Variants in GDA observed in about 807,000 individuals in gnomAD.
The protein encoded by GDA is cytoplasmic PSD-95 interactor.
A neutral mutation model predicts 59.6 loss-of-function variants in GDA; 18 were observed. The observed-to-expected ratio is 0.30, with a 90% CI of 0.21 to 0.45. The LOEUF is 0.45. Ranked by LOEUF, GDA falls within the 20% of genes least tolerant of loss-of-function variation. The probability of loss-of-function intolerance (pLI) is 1.00; values close to 1 mark genes in which losing one functional copy is unlikely to be tolerated. For synonymous variants in GDA, 201 were observed against 201.1 expected (o/e 1.00, Z 0.00); for missense variants, 427 against 552.3 (o/e 0.77, Z 2.27).
At chr9:72,202,436 C>T (rs886635671) in intron 2 of GDA, 135 bp from the exon 3 acceptor site, 2 of 594,816 alleles carry the variant, frequency 3.4e-6, no homozygotes, top group African/African-American at 1.9e-5. Context: ...GGAGAATTTA[C>T]AGTTGTCTGA....
At chr9:72,246,105 T>C (rs1405251789) in intron 12 of GDA, among the ~76,000 whole-genome samples, 3 of 152,218 alleles carry the variant, frequency 2.0e-5, no homozygotes, top group Non-Finnish European at 4.4e-5. Flanking sequence ...GAGGTCACTA[T>C]AACAAGAGAC....
At chr9:72,215,040 T>A (rs551890984) in intron 5 of GDA, among the ~76,000 whole-genome samples, 43 of 152,302 alleles carry the variant, frequency 2.8e-4, no homozygotes, top group Non-Finnish European at 5.0e-4. Context: ...GGCTCAAAGT[T>A]CTTTCTCTCA....
At chr9:72,124,337 C>T (rs1825774924) in intron 1 of GDA, among the ~76,000 whole-genome samples, 1 of 152,120 alleles carries the variant, frequency 6.6e-6, no homozygotes, top group South Asian at 2.1e-4. Context: ...TTGCAAACGC[C>T]TCAGTATTTT....
intron 11 of GDA, 48 bp from the exon 12 acceptor site, chr9:72,245,100 G>A (rs773815396): frequency 6.3e-7 from 1 of 1,597,610 alleles, no homozygotes; most frequent in Admixed American, 1.7e-5. Flanking sequence ...ACATTAGTGT[G>A]GTCTGATGGC....
intron 1 of GDA, among the ~76,000 whole-genome samples, chr9:72,173,387 A>G (rs1181446683): frequency 2.7e-5 from 4 of 148,570 alleles, no homozygotes; most frequent in Non-Finnish European, 4.4e-5. Context: ...CTGGGGTGCA[A>G]TGGTGCGATC....
In GDA at chr9:72,251,563, T is replaced by C. The variant is rs1166780591; in HGVS notation, c.*3221T>C. 6 of 152,144 alleles carry C rather than the reference T, an allele frequency of 3.9e-5. No individual in the cohort carries two copies. In the East Asian group the frequency reaches 1.2e-3, roughly 29 times the overall value. 9.4% of individuals were successfully genotyped at this position (152,144 alleles called of 1,614,324 possible). On this transcript the variant is annotated 3_prime_UTR_variant, in exon 14 of 14. Coordinates refer to ENST00000358399, the MANE Select transcript of GDA (RefSeq NM_004293.5). ...TAAAAGCAATGGTGTGAGTTATTAATGGGTAAACTAAGAAGTGTTATAGGC... is the reference window on the plus strand; with the variant it reads ...TAAAAGCAATGGTGTGAGTTATTAACGGGTAAACTAAGAAGTGTTATAGGC...
intron 8 of GDA, among the ~76,000 whole-genome samples, chr9:72,226,108 T>G (rs942431797): frequency 1.3e-5 from 2 of 152,140 alleles, no homozygotes; most frequent in Admixed American, 1.3e-4. Flanking sequence ...GAATGTCATT[T>G]GGTCCAAGGA....
intron 1 of GDA, among the ~76,000 whole-genome samples, chr9:72,128,583 A>G (rs1825925451): frequency 6.6e-6 from 1 of 152,244 alleles, no homozygotes; most frequent in Non-Finnish European, 1.5e-5. Context: ...TATATATAAT[A>G]TCATGTAATA....
intron 1 of GDA, among the ~76,000 whole-genome samples, chr9:72,160,387 C>T (rs1163716337): frequency 6.6e-6 from 1 of 152,178 alleles, no homozygotes; most frequent in African/African-American, 2.4e-5. Flanking sequence ...AGCAGTCACT[C>T]CTTATTTCCT....
chr9:72,175,844 G>T lies in GDA; in HGVS notation c.124-19656G>T, dbSNP rs1392893235. 2.0e-5 allele frequency among the ~76,000 whole-genome samples: 3 copies of T among 152,228 alleles called. No homozygotes were observed. In the East Asian group the frequency reaches 5.8e-4, roughly 29 times the overall value. On this transcript the variant is annotated intron_variant, in intron 1 of 13. Transcript: ENST00000358399. ...AAATTGTGGTTTGAGTCTGCTATAA[G>T]GAAACCGGCAAGACAAAAAACAAAT...
intron 1 of GDA, among the ~76,000 whole-genome samples, chr9:72,181,048 AT>A: frequency 6.6e-6 from 1 of 152,214 alleles, no homozygotes. Flanking sequence ...ATAGATTTTG[AT>A]TTTTTAAAAA....
At chr9:72,246,699 T>C (rs1015287933) in intron 12 of GDA, among the ~76,000 whole-genome samples, 5 of 151,782 alleles carry the variant, frequency 3.3e-5, no homozygotes, top group Admixed American at 1.3e-4. Flanking sequence ...CCTTACGTGA[T>C]GGTCTTATGA....
intron 6 of GDA, among the ~76,000 whole-genome samples, chr9:72,221,607 A>C (rs1836888987): frequency 6.6e-6 from 1 of 152,192 alleles, no homozygotes. Context: ...TTGTTTACAC[A>C]AGTAAATGTG....
intron 1 of GDA, among the ~76,000 whole-genome samples, chr9:72,130,017 G>A (rs542972781): frequency 1.5e-4 from 23 of 152,224 alleles, no homozygotes; most frequent in African/African-American, 5.5e-4. Context: ...TTGTTGGATG[G>A]GCATTGGAAA....
chr9:72,243,352 C>A (rs762437505), intron 11 of GDA, among the ~76,000 whole-genome samples: 4 of 152,134 alleles, frequency 2.6e-5, no homozygotes, highest in Non-Finnish European at 5.9e-5. Context: ...CTGAATAACC[C>A]AGTTGGTTTA....
rs1049914225 is a variant in GDA at position 72,161,681 on chromosome 9, G to T, written c.123+11999G>T. On this transcript the variant is annotated intron_variant, in intron 1 of 13. Transcript: ENST00000358399. ...TTATTAAGTGTTTGCTTTTTCATAA[G>T]ATGGTAATTTACTTGAAATGTTGCT... is the stretch of plus-strand genomic sequence containing the variant. Among the ~76,000 whole-genome samples the T allele has an allele frequency of 3.9e-5, 6 of 152,152 alleles. No homozygotes were observed. The East Asian group carries it at 9.6e-4, about 24-fold the overall frequency.
intron 1 of GDA, among the ~76,000 whole-genome samples, chr9:72,123,612 C>T (rs141847232): frequency 1.3e-4 from 19 of 151,826 alleles, no homozygotes; most frequent in African/African-American, 3.4e-4. Context: ...CTCAGCCTCC[C>T]GAGTAGTTGG....
chr9:72,120,191 CTTT>C (rs202118778), intron 1 of GDA, among the ~76,000 whole-genome samples: 1 of 145,170 alleles, frequency 6.9e-6, no homozygotes, highest in Non-Finnish European at 1.5e-5. Context: ...ATGCAGCATT[CTTT>C]TTTTTTTTTT....
In GDA at chr9:72,137,242, C is replaced by CTTTT. The variant is rs143364725; in HGVS notation, c.-100+22427_-100+22430dup. ...AAAATTAGGATCCTTTTCTTTTTTTCTTTTTTTTTTTTTTTTTTTTTGAGA... is the reference window on the plus strand; with the variant it reads ...AAAATTAGGATCCTTTTCTTTTTTTCTTTTTTTTTTTTTTTTTTTTTTTTTGAGA... On this transcript the variant is annotated intron_variant, in intron 1 of 13. Coordinates refer to the GDA transcript ENST00000545168. Among the ~76,000 whole-genome samples the CTTTT allele has an allele frequency of 1.1e-3, 95 of 84,510 alleles. 2 individuals are homozygous for CTTTT. The highest frequency in any genetic ancestry group is 0.018 in the Middle Eastern group (1 of 56). The allele number at this position is 84,510 out of a possible 152,430, so 55.4% of individuals were successfully genotyped here.
Sources: allele counts gnomAD v4.1 joint callset (sites outside exome capture counted in the v4.1 genomes callset), GRCh38; gene constraint gnomAD v4.1.1; transcripts MANE v1.5; gene names NCBI Gene and HGNC (gene_info 2026-07-23, HGNC 2026-07-21).